Variants in PRP4K observed in about 807,000 individuals in gnomAD.
The protein encoded by PRP4K is pre-mRNA processing factor kinase PRP4K, also known as serine/threonine-protein kinase PRP4 homolog.
the PRP4K span, among the ~76,000 whole-genome samples, chr6:4,055,553 G>C: frequency 6.6e-6 from 1 of 152,282 alleles, no homozygotes; most frequent in East Asian, 1.9e-4. Flanking sequence ...TCTTTTGAAG[G>C]GGGGAAGGGA....
chr6:4,060,522 A>G, the PRP4K span: 1 of 1,613,964 alleles, frequency 6.2e-7, no homozygotes, highest in Non-Finnish European at 8.5e-7. This position sits in a 1 kb window ranked among gnomAD's most constrained non-coding sequence, Gnocchi z 4.7. Flanking sequence ...CACCAGCTAA[A>G]GGACTTGTTG....
chr6:4,056,233 A>G, the PRP4K span: 3 of 908,170 alleles, frequency 3.3e-6, no homozygotes, highest in East Asian at 5.3e-5. Flanking sequence ...ATTGGAATTA[A>G]TAAAACTTTT....
the PRP4K span, among the ~76,000 whole-genome samples, chr6:4,038,625 T>C: frequency 9.9e-5 from 15 of 152,046 alleles, no homozygotes; most frequent in African/African-American, 3.4e-4. Flanking sequence ...TTCATCACAC[T>C]TTTTTGTTCT....
At chr6:4,047,219 T>C in the PRP4K span, 1 of 1,612,776 alleles carries the variant, frequency 6.2e-7, no homozygotes, top group Non-Finnish European at 8.5e-7. Context: ...GTTTACAGAA[T>C]CTGATGATAT....
At chr6:4,051,023 C>T in the PRP4K span, among the ~76,000 whole-genome samples, 2 of 152,106 alleles carry the variant, frequency 1.3e-5, no homozygotes, top group Non-Finnish European at 2.9e-5. Context: ...GATTTTGCTT[C>T]CTCAGCCTCC....
chr6:4,041,299 A>G, the PRP4K span, among the ~76,000 whole-genome samples: 5 of 152,202 alleles, frequency 3.3e-5, no homozygotes, highest in Non-Finnish European at 2.9e-5. Context: ...ATACTTTGCA[A>G]TTGAGGCTAT....
At chr6:4,046,082 G>C in the PRP4K span, among the ~76,000 whole-genome samples, 1 of 152,140 alleles carries the variant, frequency 6.6e-6, no homozygotes, top group Admixed American at 6.5e-5. Context: ...TATTCATTGG[G>C]TACTGATTAT....
At chr6:4,052,646 T>G in the PRP4K span, 2 of 1,233,030 alleles carry the variant, frequency 1.6e-6, no homozygotes, top group Non-Finnish European at 2.2e-6. Flanking sequence ...CTTGCAAATG[T>G]TTTTGCCTTT....
the PRP4K span, among the ~76,000 whole-genome samples, chr6:4,041,485 G>T: frequency 6.6e-6 from 1 of 152,158 alleles, no homozygotes; most frequent in African/African-American, 2.4e-5. Context: ...CCTGGGGGGA[G>T]AAGGTTGAAG....
the PRP4K span, among the ~76,000 whole-genome samples, chr6:4,026,162 C>T: frequency 5.9e-5 from 9 of 151,874 alleles, no homozygotes; most frequent in South Asian, 2.1e-4. Context: ...CCACCACGCC[C>T]GGCTAATTTT....
At chr6:4,056,878 T>G in the PRP4K span, 1 of 1,075,220 alleles carries the variant, frequency 9.3e-7, no homozygotes, top group Non-Finnish European at 1.3e-6. Flanking sequence ...CTATTAAGAA[T>G]TAGTGGGAAA....
At chr6:4,021,336 C>G in the PRP4K span, 3 of 1,525,972 alleles carry the variant, frequency 2.0e-6, no homozygotes, top group Non-Finnish European at 2.7e-6. Flanking sequence ...GGCACATGCG[C>G]GGCAGCTCTT....
At chr6:4,050,018 G>GTT in the PRP4K span, 88 of 18,082 alleles carry the variant, frequency 4.9e-3, 15 homozygotes, top group South Asian at 0.021. Flanking sequence ...GGAAACAGTT[G>GTT]TTTTTTTTTT....
chr6:4,033,708 A>G, the PRP4K span, among the ~76,000 whole-genome samples: 198 of 152,336 alleles, frequency 1.3e-3, no homozygotes, highest in Admixed American at 3.1e-3. Context: ...GAATGGGTAT[A>G]AATATAAACT....
chr6:4,057,521 G>C, the PRP4K span, among the ~76,000 whole-genome samples: 3 of 152,312 alleles, frequency 2.0e-5, no homozygotes, highest in East Asian at 5.8e-4. Flanking sequence ...AACATGCTTA[G>C]TGGTCAGAGA....
At chr6:4,036,067 C>A in the PRP4K span, among the ~76,000 whole-genome samples, 116 of 152,186 alleles carry the variant, frequency 7.6e-4, no homozygotes, top group Admixed American at 2.7e-3. Flanking sequence ...ATAGTTGTGA[C>A]CAAACCTGGA....
the PRP4K span, among the ~76,000 whole-genome samples, chr6:4,059,448 T>G: frequency 3.3e-5 from 5 of 152,222 alleles, no homozygotes; most frequent in Non-Finnish European, 7.3e-5. Context: ...ACTCCCAGAT[T>G]GAAGTAATGA....
At chr6:4,026,940 T>C in the PRP4K span, among the ~76,000 whole-genome samples, 1 of 152,246 alleles carries the variant, frequency 6.6e-6, no homozygotes, top group Non-Finnish European at 1.5e-5. Flanking sequence ...GGGAAAGCAT[T>C]CCTGGCAGGA....
chr6:4,052,459 G>A, the PRP4K span, among the ~76,000 whole-genome samples: 164 of 152,268 alleles, frequency 1.1e-3, 1 homozygote, highest in Non-Finnish European at 2.0e-3. Context: ...TTCTAAAATC[G>A]AAATGGGAGT....
Sources: gnomAD v4.1 joint callset for allele counts (sites outside exome capture counted in the v4.1 genomes callset) on GRCh38, gnomAD v4.1.1 for gene constraint, Gnocchi (gnomAD v3.1) non-coding constraint, MANE v1.5 for transcripts, NCBI Gene and HGNC (gene_info 2026-07-23, HGNC 2026-07-21) for gene names.